The following ADGRL2 variants were observed in gnomAD, a reference collection of about 807,000 sequenced individuals.
ADGRL2 encodes adhesion G protein-coupled receptor L2.
A neutral mutation model predicts 157.4 loss-of-function variants in ADGRL2; 44 were observed. The ratio of observed to expected loss-of-function variants is 0.28; its 90% CI spans 0.22 to 0.36. The LOEUF (loss-of-function observed/expected upper bound fraction) is 0.36. Ranked by LOEUF, ADGRL2 falls within the 10% of genes least tolerant of loss-of-function variation. ADGRL2 has a pLI of 1.00. For missense variants in ADGRL2, 1,510 were observed against 1,768.9 expected (o/e 0.85, Z 2.63); for synonymous variants, 585 against 624.7 (o/e 0.94, Z 0.95).
upstream of ADGRL2, among the ~76,000 whole-genome samples, chr1:81,797,773 T>G (rs2087664276): frequency 6.6e-6 from 1 of 152,198 alleles, no homozygotes; most frequent in African/African-American, 2.4e-5. Flanking sequence ...ATCTTCAGTT[T>G]CTTAAGGTTA....
rs530464409 is a variant in ADGRL2 at position 81,458,437 on chromosome 1, G to C, written c.-248+13348G>C. On this transcript the variant is annotated intron_variant, in intron 2 of 24. Coordinates refer to the ADGRL2 transcript ENST00000370721. Reference sequence around the variant, plus strand: ...AATGGCGCCCGGCACGTTCTTTTCTGCTGCAGCCAGAGGAAGGGTTAGTGT... The same window carrying C: ...AATGGCGCCCGGCACGTTCTTTTCTCCTGCAGCCAGAGGAAGGGTTAGTGT... Among the ~76,000 whole-genome samples the C allele has an allele frequency of 4.6e-5, 7 of 152,260 alleles. 1 individual carries two copies. The South Asian group carries it at 1.2e-3, about 27-fold the overall frequency.
intron 2 of ADGRL2, among the ~76,000 whole-genome samples, chr1:81,864,769 C>T (rs1177247771): frequency 6.6e-6 from 1 of 152,086 alleles, no homozygotes; most frequent in Non-Finnish European, 1.5e-5. Context: ...TGAGAAAAGC[C>T]TGGCCAACAT....
At chr1:81,429,160 C>A (rs566638184) in intron 1 of ADGRL2, among the ~76,000 whole-genome samples, 1 of 151,846 alleles carries the variant, frequency 6.6e-6, no homozygotes, top group East Asian at 1.9e-4. Flanking sequence ...TTACAATGAC[C>A]CACTCTTGTT....
intron 1 of ADGRL2, among the ~76,000 whole-genome samples, chr1:81,716,519 CAACA>C (rs957297863): frequency 6.6e-5 from 10 of 151,938 alleles, no homozygotes; most frequent in African/African-American, 2.4e-4. Context: ...CCTTATAGAC[CAACA>C]ACAAACTGAG....
intron 3 of ADGRL2, among the ~76,000 whole-genome samples, chr1:81,926,437 A>T (rs553211808): frequency 1.4e-3 from 214 of 152,144 alleles, no homozygotes; most frequent in African/African-American, 5.0e-3. Flanking sequence ...TGTGTCTTTT[A>T]TATAGTCTGG....
At chr1:81,685,762 G>A (rs1420260128) in intron 3 of ADGRL2, among the ~76,000 whole-genome samples, 1 of 152,100 alleles carries the variant, frequency 6.6e-6, no homozygotes, top group African/African-American at 2.4e-5. Context: ...TATTATGTTG[G>A]CTGTGGGTTT....
intron 2 of ADGRL2, among the ~76,000 whole-genome samples, chr1:81,458,032 C>T (rs1376932768): frequency 6.6e-6 from 1 of 152,108 alleles, no homozygotes; most frequent in Non-Finnish European, 1.5e-5. Context: ...TGAATTCTCA[C>T]AAAGGCTCAA....
intron 3 of ADGRL2, among the ~76,000 whole-genome samples, chr1:81,632,835 C>T (rs1007622730): frequency 6.6e-6 from 1 of 151,636 alleles, no homozygotes; most frequent in Admixed American, 6.6e-5. Flanking sequence ...GGGCAGGGGC[C>T]GGATTAGGGA....
chr1:81,386,639 G>A (rs1245702568), intron 1 of ADGRL2, among the ~76,000 whole-genome samples: 3 of 152,122 alleles, frequency 2.0e-5, no homozygotes. Flanking sequence ...TGTACTGTAT[G>A]TACTAACTTT....
At chr1:81,527,311 A>G (rs2079483382) in intron 2 of ADGRL2, among the ~76,000 whole-genome samples, 1 of 152,168 alleles carries the variant, frequency 6.6e-6, no homozygotes, top group African/African-American at 2.4e-5. Context: ...CAAAATTCAT[A>G]TGTTGAAACT....
intron 1 of ADGRL2, chr1:81,414,129 A>C (rs1386293556): frequency 6.6e-6 from 1 of 152,012 alleles, no homozygotes; most frequent in Admixed American, 6.6e-5. Flanking sequence ...TGCAAGTCTC[A>C]TTGGGATGCT....
intron 3 of ADGRL2, among the ~76,000 whole-genome samples, chr1:81,692,045 C>T (rs1257191918): frequency 6.6e-6 from 1 of 151,542 alleles, no homozygotes; most frequent in Non-Finnish European, 1.5e-5. Context: ...TATTCACACA[C>T]ATGCACAAAT....
At chr1:81,920,863 G>GA (rs113617297) in intron 3 of ADGRL2, among the ~76,000 whole-genome samples, 1,444 of 137,718 alleles carry the variant, frequency 0.01, 25 homozygotes, top group African/African-American at 0.033. Flanking sequence ...GGTTTTAAAG[G>GA]AAAAAAAAAA....
chr1:81,562,847 T>G (rs957383451), intron 2 of ADGRL2, among the ~76,000 whole-genome samples: 3 of 152,162 alleles, frequency 2.0e-5, no homozygotes, highest in Non-Finnish European at 4.4e-5. Context: ...CCTTAAATAT[T>G]AAAGAAAAAT....
chr1:81,851,139 A>G (rs2092991337), intron 2 of ADGRL2, among the ~76,000 whole-genome samples: 1 of 151,976 alleles, frequency 6.6e-6, no homozygotes, highest in Non-Finnish European at 1.5e-5. Context: ...ATTAACAGCT[A>G]AGTATACTTT....
chr1:81,755,616 C>A (rs577409996), intron 1 of ADGRL2, among the ~76,000 whole-genome samples: 5 of 152,122 alleles, frequency 3.3e-5, no homozygotes, highest in Non-Finnish European at 7.4e-5. Context: ...CATGTCCACA[C>A]AAACTAATCA....
chr1:81,483,915 A>G lies in ADGRL2; in HGVS notation c.-248+38826A>G, dbSNP rs114977387. Among the ~76,000 whole-genome samples the G allele has an allele frequency of 2.3e-3, 343 of 152,302 alleles. 1 individual carries two copies. The highest frequency in any genetic ancestry group is 8.0e-3 in the African/African-American group (334 of 41,588). On this transcript the variant is annotated intron_variant, in intron 2 of 24. Coordinates refer to the ADGRL2 transcript ENST00000370721. The stretch of plus-strand genomic sequence containing the variant: ...TCTGACTTTCAAAAGACTAAATCAA[A>G]TCTTCAAATGAAAACAATTGTGATG...
intron 2 of ADGRL2, among the ~76,000 whole-genome samples, chr1:81,780,877 C>A (rs1473012400): frequency 6.6e-6 from 1 of 152,068 alleles, no homozygotes; most frequent in African/African-American, 2.4e-5. Flanking sequence ...GAATAAAGAG[C>A]TTTTGGCATC....
At chr1:81,804,486 T>C (rs1015112559) in intron 1 of ADGRL2, among the ~76,000 whole-genome samples, 1 of 152,218 alleles carries the variant, frequency 6.6e-6, no homozygotes, top group African/African-American at 2.4e-5. Flanking sequence ...TCCTTTTGCT[T>C]CCAAGCGGAG....
Sources: allele counts gnomAD v4.1 joint callset (sites outside exome capture counted in the v4.1 genomes callset), GRCh38; gene constraint gnomAD v4.1.1; transcripts MANE v1.5; gene names NCBI Gene and HGNC (gene_info 2026-07-23, HGNC 2026-07-21).